COBLL1: variants seen among roughly 807,000 people sequenced by gnomAD.
COBLL1 encodes the protein cordon-bleu protein-like 1.
A neutral mutation model predicts 94.8 loss-of-function variants in COBLL1; 50 were observed. The ratio of observed to expected loss-of-function variants is 0.53; its 90% confidence interval spans 0.42 to 0.67. The LOEUF (loss-of-function observed/expected upper bound fraction) is 0.67. COBLL1 is among the 30% of genes least tolerant of loss of function. The pLI, the probability that COBLL1 is intolerant of heterozygous loss-of-function variation, is 0.00. For synonymous variants in COBLL1, 448 were observed against 473.8 expected, an observed-to-expected ratio of 0.95 and a Z score of 0.71; for missense variants, 1,362 against 1,348.7, an observed-to-expected ratio of 1.01 and a Z score of -0.15.
At chr2:164,666,103 A>G (rs1035710274) in intron 1 of COBLL1, among the ~76,000 whole-genome samples, 2 of 152,220 alleles carry the variant, frequency 1.3e-5, no homozygotes, top group African/African-American at 2.4e-5. Flanking sequence ...ATCACTATGT[A>G]TCCCATAGAT....
chr2:164,699,768 A>T (rs16849672), intron 10 of COBLL1, among the ~76,000 whole-genome samples: 3,687 of 152,204 alleles, frequency 0.024, 72 homozygotes, highest in Non-Finnish European at 0.041. Context: ...CTTTTCCAAA[A>T]TAGTGGCTTT....
At chr2:164,712,053 C>T (rs911451294) in intron 7 of COBLL1, among the ~76,000 whole-genome samples, 1 of 152,054 alleles carries the variant, frequency 6.6e-6, no homozygotes, top group Admixed American at 6.5e-5. Context: ...TTGTTAATCC[C>T]CCAGAATTCA....
intron 3 of COBLL1, among the ~76,000 whole-genome samples, chr2:164,741,203 G>A (rs1313839126): frequency 6.6e-6 from 1 of 152,034 alleles, no homozygotes; most frequent in African/African-American, 2.4e-5. Context: ...TTGAACCCGG[G>A]AGGTGGAGGT....
chr2:164,833,576 G>C (rs887824775), intron 2 of COBLL1, among the ~76,000 whole-genome samples: 16 of 151,042 alleles, frequency 1.1e-4, no homozygotes, highest in Admixed American at 7.3e-4. Flanking sequence ...TCAGCCTCCC[G>C]AGTAGCTGGG....
intron 1 of COBLL1, among the ~76,000 whole-genome samples, chr2:164,670,725 C>A (rs951143713): frequency 2.6e-5 from 4 of 152,130 alleles, no homozygotes; most frequent in Non-Finnish European, 5.9e-5. Context: ...TGGGAAATTT[C>A]CCCCCACGAG....
At chr2:164,702,610 G>GA (rs909153277) in intron 9 of COBLL1, among the ~76,000 whole-genome samples, 2 of 146,602 alleles carry the variant, frequency 1.4e-5, no homozygotes, top group African/African-American at 2.5e-5. Context: ...ACTCTGTATT[G>GA]AAAAAAAATG....
chr2:164,770,014 CT>C (rs1478860844), intron 2 of COBLL1, among the ~76,000 whole-genome samples: 1 of 152,084 alleles, frequency 6.6e-6, no homozygotes, highest in Admixed American at 6.6e-5. Flanking sequence ...ATGGAATTTA[CT>C]AAGGTACAAT....
intron 3 of COBLL1, among the ~76,000 whole-genome samples, chr2:164,731,623 A>G (rs1207002234): frequency 6.6e-6 from 1 of 152,214 alleles, no homozygotes; most frequent in Non-Finnish European, 1.5e-5. Context: ...TCGTATTTTT[A>G]CAGATGGAGG....
intron 2 of COBLL1, among the ~76,000 whole-genome samples, chr2:164,804,966 A>C (rs1684014412): frequency 6.6e-6 from 1 of 152,066 alleles, no homozygotes; most frequent in South Asian, 2.1e-4. Flanking sequence ...TATTAATAGA[A>C]GTTCTAGTGC....
intron 2 of COBLL1, among the ~76,000 whole-genome samples, chr2:164,754,597 GA>G (rs1687298161): frequency 6.6e-6 from 1 of 152,280 alleles, no homozygotes; most frequent in East Asian, 1.9e-4. Context: ...GCAAACTAGA[GA>G]ATGACAGTTC....
intron 2 of COBLL1, among the ~76,000 whole-genome samples, chr2:164,797,859 T>C (rs1226288840): frequency 6.6e-6 from 1 of 152,216 alleles, no homozygotes; most frequent in African/African-American, 2.4e-5. Flanking sequence ...TAATAGCAGA[T>C]ACAAATGTTA....
At chr2:164,693,186 T>C (rs185212838) in intron 12 of COBLL1, among the ~76,000 whole-genome samples, 1 of 152,296 alleles carries the variant, frequency 6.6e-6, no homozygotes, top group East Asian at 1.9e-4. Flanking sequence ...AAGCTTCCAT[T>C]GTTTAGGAAT....
At chr2:164,779,860 T>A (rs568784174) in intron 2 of COBLL1, 1 of 407,038 alleles carries the variant, frequency 2.5e-6, no homozygotes, top group Admixed American at 2.7e-5. Flanking sequence ...GGGTAGGGAA[T>A]GTGCAGGTAT....
At chr2:164,764,147 C>T (rs184464072) in intron 2 of COBLL1, among the ~76,000 whole-genome samples, 1 of 152,338 alleles carries the variant, frequency 6.6e-6, no homozygotes, top group Admixed American at 6.5e-5. Flanking sequence ...ACCCTCCTGC[C>T]TTGGCCTCTC....
chr2:164,792,770 C>T (rs1305119264), intron 2 of COBLL1, among the ~76,000 whole-genome samples: 1 of 152,138 alleles, frequency 6.6e-6, no homozygotes, highest in Non-Finnish European at 1.5e-5. Flanking sequence ...AGAAAGAACA[C>T]TTTTGAGCAT....
chr2:164,703,406 T>C (rs1346110887), intron 9 of COBLL1, among the ~76,000 whole-genome samples: 3 of 152,226 alleles, frequency 2.0e-5, no homozygotes, highest in Non-Finnish European at 2.9e-5. Flanking sequence ...TTGAATAGCA[T>C]GCACTCCTTT....
In COBLL1 at chr2:164,841,166, C is replaced by T; in HGVS notation, c.31G>A (p.Ala11Thr). The stretch of plus-strand genomic sequence containing the variant: ...GCGCTCTGGGCTTACCTGGCTGGGG[C>T]GTCCTGCGGGCGCGGGGTTCGGCCG... MDGRTPRPQD[A>T]PARRKPKAKA... Residue 11 changes from alanine to threonine, a missense_variant, in exon 2 of 14, where the codon GCC (alanine) becomes ACC (threonine). Ala to Thr is a moderately conservative substitution (Grantham distance 58). Transcript: ENST00000652658. The surrounding 1 kb of genome is among the most constrained non-coding windows in gnomAD (Gnocchi z 5.5). 1 of 1,231,422 alleles carries T rather than the reference C, an allele frequency of 8.1e-7. No individual in the cohort carries two copies. Among genetic ancestry groups the T allele is most frequent in the Non-Finnish European group, 1.0e-6 (1 of 988,084 alleles). The allele number at this position is 1,231,422 out of a possible 1,614,324, so 76.3% of individuals were successfully genotyped here. A position where few individuals can be genotyped will look rare whatever the true frequency, so the allele number is the denominator to read the frequency against.
intron 2 of COBLL1, among the ~76,000 whole-genome samples, chr2:164,837,837 A>G (rs1280108298): frequency 6.6e-6 from 1 of 152,204 alleles, no homozygotes. Context: ...AAAGAAGCCC[A>G]TAAGATACAG....
rs916581516 is a variant in COBLL1, at chr2:164,665,315, A to T, written n.181+532T>A. Reference sequence around the variant, plus strand: ...ACTGCACTCCAGACTGGGGTGACAGAGCAAGATTCTGTGTCAAAAAAAAAA... The same window carrying T: ...ACTGCACTCCAGACTGGGGTGACAGTGCAAGATTCTGTGTCAAAAAAAAAA... On this transcript the variant is annotated intron_variant and non_coding_transcript_variant, in intron 2 of 2. Coordinates refer to the COBLL1 transcript ENST00000495084. Among the ~76,000 whole-genome samples, 7 of 135,936 alleles carry T rather than the reference A, an allele frequency of 5.1e-5. No individual in the cohort carries two copies. The Admixed American group carries it at 5.6e-4, about 11-fold the overall frequency. 89.2% of individuals were successfully genotyped at this position (135,936 alleles called of 152,430 possible).
Sources: allele counts gnomAD v4.1 joint callset (sites outside exome capture counted in the v4.1 genomes callset), GRCh38; gene constraint gnomAD v4.1.1; non-coding constraint Gnocchi (gnomAD v3.1); transcripts MANE v1.5; gene names NCBI Gene and HGNC (gene_info 2026-07-23, HGNC 2026-07-21).